The following UBR3 variants were observed in gnomAD, a reference collection of about 807,000 sequenced individuals.
The protein encoded by UBR3 is ubiquitin protein ligase E3 component n-recognin 3, also known as E3 ubiquitin-protein ligase UBR3.
A neutral mutation model predicts 243.2 loss-of-function variants in UBR3; 85 were observed. The ratio of observed to expected loss-of-function variants is 0.35; its 90% confidence interval spans 0.29 to 0.42. The LOEUF (loss-of-function observed/expected upper bound fraction) is 0.42. UBR3 is among the 10% of genes least tolerant of loss of function. The pLI, the probability that UBR3 is intolerant of heterozygous loss-of-function variation, is 1.00. For missense variants in UBR3, 1,686 were observed against 2,300.8 expected, an observed-to-expected ratio of 0.73 and a Z score of 5.47; for synonymous variants, 748 against 799.8, an observed-to-expected ratio of 0.94 and a Z score of 1.09.
chr2:169,921,250 A>G (rs913804099), intron 11 of UBR3, among the ~76,000 whole-genome samples: 2 of 152,190 alleles, frequency 1.3e-5, no homozygotes, highest in African/African-American at 4.8e-5. Context: ...ATTGCTGTTC[A>G]GTAGACACCT....
chr2:170,003,223 G>A (rs953259345), intron 27 of UBR3, among the ~76,000 whole-genome samples: 4 of 152,126 alleles, frequency 2.6e-5, no homozygotes, highest in African/African-American at 4.8e-5. Context: ...TATTCCAGGT[G>A]TAACTTATTT....
At chr2:169,891,964 C>T (rs1033451038) in intron 6 of UBR3, among the ~76,000 whole-genome samples, 4 of 152,188 alleles carry the variant, frequency 2.6e-5, no homozygotes, top group South Asian at 2.1e-4. Flanking sequence ...CATATCTTAA[C>T]GTGTGGTTGG....
intron 24 of UBR3, among the ~76,000 whole-genome samples, chr2:169,971,336 C>G (rs2088132562): frequency 6.6e-6 from 1 of 151,586 alleles, no homozygotes; most frequent in South Asian, 2.1e-4. Context: ...TTGATTAGAT[C>G]CCATTTGTCA....
chr2:169,950,639 T>A (rs186183795), intron 23 of UBR3, among the ~76,000 whole-genome samples: 148 of 152,122 alleles, frequency 9.7e-4, no homozygotes, highest in African/African-American at 2.9e-3. Flanking sequence ...GGGATTTTTT[T>A]AAAATCTCAA....
intron 16 of UBR3, 61 bp from the exon 17 acceptor site, chr2:169,927,259 G>GT: frequency 6.3e-6 from 9 of 1,435,114 alleles, no homozygotes; most frequent in Non-Finnish European, 7.6e-6. Flanking sequence ...AGTGTGGTAA[G>GT]TTTTTTTCTT....
intron 1 of UBR3, among the ~76,000 whole-genome samples, chr2:169,851,632 G>A (rs2082660008): frequency 6.6e-6 from 1 of 152,044 alleles, no homozygotes; most frequent in Non-Finnish European, 1.5e-5. Context: ...TTGGGAGGCT[G>A]AGGGGAGCGG....
intron 19 of UBR3, among the ~76,000 whole-genome samples, chr2:169,942,104 ATTACAT>A (rs2086614507): frequency 6.6e-6 from 1 of 152,190 alleles, no homozygotes; most frequent in Non-Finnish European, 1.5e-5. Flanking sequence ...CATTCAAAAG[ATTACAT>A]TTATATTTTA....
intron 5 of UBR3, among the ~76,000 whole-genome samples, chr2:169,890,542 T>TATATATACACAC (rs1553504411): frequency 1.6e-5 from 1 of 62,092 alleles, no homozygotes; most frequent in Non-Finnish European, 3.0e-5. Context: ...GAGAGAGAGA[T>TATATATACACAC]ATATATATAT....
intron 2 of UBR3, among the ~76,000 whole-genome samples, chr2:169,874,554 A>G (rs960809258): frequency 6.6e-6 from 1 of 152,188 alleles, no homozygotes; most frequent in African/African-American, 2.4e-5. Context: ...CAAGGTAATG[A>G]AAACTCAGAG....
At chr2:169,895,123 A>G in intron 6 of UBR3, 58 bp from the exon 7 acceptor site, 2 of 1,437,218 alleles carry the variant, frequency 1.4e-6, no homozygotes, top group South Asian at 1.6e-5. Flanking sequence ...GTTATTAGTT[A>G]TAAAATGAGA....
At chr2:170,015,937 T>G (rs1428693731) in intron 30 of UBR3, among the ~76,000 whole-genome samples, 3 of 151,878 alleles carry the variant, frequency 2.0e-5, no homozygotes, top group African/African-American at 7.2e-5. Flanking sequence ...ATGCTATCAT[T>G]TTTTAGTCAT....
rs59138777 is a variant in UBR3, at chr2:170,047,865, C to T, written c.4660+6880C>T. Among the ~76,000 whole-genome samples the T allele has an allele frequency of 5.1e-4, 77 of 152,304 alleles. No homozygotes were observed. The East Asian group carries it at 6.0e-3, about 12-fold the overall frequency. ...GTATATCCACACTGTAGATGCTACC[C>T]ACCCATTAGTCATTTAGTGGCCATG... On this transcript the variant is annotated intron_variant, in intron 32 of 38. Transcript: ENST00000272793.
chr2:169,915,388 C>T (rs976669842), intron 11 of UBR3, among the ~76,000 whole-genome samples: 13 of 152,080 alleles, frequency 8.5e-5, no homozygotes, highest in South Asian at 6.2e-4. Context: ...TATGTGCCAC[C>T]GCACCCAGCT....
chr2:169,827,459 C>T lies in UBR3; in HGVS notation c.-49C>T, dbSNP rs552335299. 35 of 1,218,020 alleles carry T rather than the reference C, an allele frequency of 2.9e-5. No individual in the cohort carries two copies. The South Asian group carries it at 3.4e-4, about 12-fold the overall frequency. The allele number at this position is 1,218,020 out of a possible 1,614,324, so 75.5% of individuals were successfully genotyped here. The stretch of plus-strand genomic sequence containing the variant: ...TCGCAGCAGTCTATTCCCTCACTCT[C>T]CCTGGAGGAGCCGCTGGCCCTGGAC... On this transcript the variant is annotated 5_prime_UTR_variant, in exon 1 of 39. Transcript: ENST00000272793.
chr2:170,064,803 A>ATTTTTTTTTTTTT, intron 35 of UBR3, among the ~76,000 whole-genome samples: 2 of 87,878 alleles, frequency 2.3e-5, no homozygotes, highest in Admixed American at 1.3e-4. Context: ...TGCTTTTTCT[A>ATTTTTTTTTTTTT]TTTTTTTTTT....
intron 1 of UBR3, among the ~76,000 whole-genome samples, chr2:169,845,996 A>G (rs1305676560): frequency 2.0e-5 from 3 of 151,928 alleles, no homozygotes; most frequent in Non-Finnish European, 4.4e-5. Context: ...CTCTTGGTGA[A>G]TGTTCCATGT....
At chr2:170,054,227 A>G (rs2091283711) in intron 32 of UBR3, among the ~76,000 whole-genome samples, 1 of 151,398 alleles carries the variant, frequency 6.6e-6, no homozygotes, top group African/African-American at 2.4e-5. Flanking sequence ...TCTGAGCTCA[A>G]GTGATCCTCT....
intron 1 of UBR3, among the ~76,000 whole-genome samples, chr2:169,849,010 T>C (rs1288263304): frequency 1.3e-5 from 2 of 152,058 alleles, no homozygotes; most frequent in South Asian, 2.1e-4. Flanking sequence ...CAAATTGCAA[T>C]GGGGAGGGGA....
intron 22 of UBR3, among the ~76,000 whole-genome samples, chr2:169,948,913 A>G (rs968372638): frequency 1.1e-4 from 16 of 152,006 alleles, no homozygotes; most frequent in Non-Finnish European, 2.1e-4. Flanking sequence ...CTTAGTTTAA[A>G]AAAAAAACTG....
Sources: allele counts gnomAD v4.1 joint callset (sites outside exome capture counted in the v4.1 genomes callset), GRCh38; gene constraint gnomAD v4.1.1; transcripts MANE v1.5; gene names NCBI Gene and HGNC (gene_info 2026-07-23, HGNC 2026-07-21).